STMN2: variants seen among roughly 807,000 people sequenced by gnomAD.
The protein encoded by STMN2 is stathmin 2.
Under a neutral mutation model 24.1 loss-of-function variants are expected in STMN2, and 2 were observed. That is an observed-to-expected ratio of 0.08 (90% confidence interval 0.03 to 0.26). STMN2 has a LOEUF of 0.26. STMN2 is among the 10% of genes least tolerant of loss of function. The pLI is 1.00. For missense variants in STMN2, 114 were observed against 213.6 expected (o/e 0.53, Z 2.91); for synonymous variants, 83 against 77.5 (o/e 1.07, Z -0.37).
intron 4 of STMN2, among the ~76,000 whole-genome samples, chr8:79,657,187 C>T (rs1328137009): frequency 6.6e-6 from 1 of 152,174 alleles, no homozygotes; most frequent in East Asian, 1.9e-4. Context: ...GCATATCCTT[C>T]TTGATTTCAA....
At chr8:79,641,636 A>ACG (rs1554545144) in intron 3 of STMN2, 86 bp downstream of exon 3, 1 of 410,804 alleles carries the variant, frequency 2.4e-6, no homozygotes, top group Non-Finnish European at 4.0e-6. Context: ...ACGCACACAC[A>ACG]CACACACACA....
chr8:79,641,465 C>T lies in STMN2; in HGVS notation c.203C>T (p.Pro68Leu). 6.2e-7 allele frequency: 1 copy of T among 1,614,054 alleles called. No homozygotes were observed. Among genetic ancestry groups the T allele is most frequent in the Non-Finnish European group, 8.5e-7 (1 of 1,179,980 alleles). The change falls in exon 3 of 5, where the codon CCA becomes CTA. Residue 68 changes from proline (P) to leucine (L), a missense_variant. Transcript: ENST00000220876. ...CCACCATCTCCTATCTCAGAAGCCCCACGAACTTTAGCTTCTCCAAAGAAG... is the reference window on the plus strand; with the variant it reads ...CCACCATCTCCTATCTCAGAAGCCCTACGAACTTTAGCTTCTCCAAAGAAG... ...LKPPSPISEA[P>L]RTLASPKKKD...
chr8:79,646,582 A>G (rs1810222869), intron 3 of STMN2, among the ~76,000 whole-genome samples: 1 of 152,104 alleles, frequency 6.6e-6, no homozygotes, highest in South Asian at 2.1e-4. Context: ...AGGCCCTGAA[A>G]TAGGAATGTA....
chr8:79,615,044 T>C (rs1167850807), intron 1 of STMN2, among the ~76,000 whole-genome samples: 1 of 152,236 alleles, frequency 6.6e-6, no homozygotes, highest in East Asian at 1.9e-4. Flanking sequence ...AAAATAGTTT[T>C]CTTCCCTATA....
chr8:79,633,071 T>C (rs1809852316), intron 1 of STMN2, among the ~76,000 whole-genome samples: 1 of 152,226 alleles, frequency 6.6e-6, no homozygotes, highest in Non-Finnish European at 1.5e-5. Context: ...CTTTATTCAT[T>C]TGTGTCTTAA....
intron 1 of STMN2, 122 bp downstream of exon 1, chr8:79,611,336 G>A (rs1482713678): frequency 7.6e-7 from 1 of 1,322,872 alleles, no homozygotes; most frequent in Non-Finnish European, 1.1e-6. Context: ...GGTAACACAG[G>A]ACCAGGAAGG....
chr8:79,631,754 T>TAAA (rs955052074), intron 1 of STMN2, among the ~76,000 whole-genome samples: 1 of 152,058 alleles, frequency 6.6e-6, no homozygotes. Context: ...ATCTGACTTT[T>TAAA]AAAAAAAATT....
intron 3 of STMN2, among the ~76,000 whole-genome samples, chr8:79,652,301 C>T (rs1814880354): frequency 6.6e-6 from 1 of 152,156 alleles, no homozygotes; most frequent in Non-Finnish European, 1.5e-5. Flanking sequence ...CAGCCTTCTT[C>T]CTTGAGAAGG....
chr8:79,617,084 TAA>T (rs1163830996), intron 1 of STMN2, among the ~76,000 whole-genome samples: 5 of 152,256 alleles, frequency 3.3e-5, no homozygotes, highest in African/African-American at 7.2e-5. Context: ...CAAATTATTC[TAA>T]GAGTATTTCT....
At chr8:79,641,628 G>GCGCGCA (rs767739163) in intron 3 of STMN2, 78 bp downstream of exon 3, 1 of 400,480 alleles carries the variant, frequency 2.5e-6, no homozygotes, top group East Asian at 4.4e-5. Flanking sequence ...ACACATGCAC[G>GCGCGCA]CACACACACA....
intron 1 of STMN2, among the ~76,000 whole-genome samples, chr8:79,627,023 T>C (rs897336663): frequency 3.3e-5 from 5 of 152,190 alleles, no homozygotes; most frequent in South Asian, 2.1e-4. Flanking sequence ...TTAATGAACC[T>C]CAAGGCCACA....
At chr8:79,624,027 T>C (rs982624048) in intron 1 of STMN2, among the ~76,000 whole-genome samples, 1 of 152,198 alleles carries the variant, frequency 6.6e-6, no homozygotes, top group Admixed American at 6.5e-5. Context: ...TGAAGAAATA[T>C]TGAACTAAGC....
rs976006132 is a variant in STMN2, at chr8:79,611,141, T to C, written c.-55T>C. 11 of 1,613,266 alleles carry C rather than the reference T, an allele frequency of 6.8e-6. No homozygotes were observed. Among genetic ancestry groups the C allele is most frequent in the Non-Finnish European group, 9.3e-6 (11 of 1,179,664 alleles). Reference sequence around the variant, plus strand: ...CAGTCTTCTCTCTCGCTCTCTCCGCTGCTGTAGCCGGACCCTTTGCCTTCG... The same window carrying C: ...CAGTCTTCTCTCTCGCTCTCTCCGCCGCTGTAGCCGGACCCTTTGCCTTCG... On this transcript the variant is annotated 5_prime_UTR_variant, in exon 1 of 5. Transcript: ENST00000220876.
At chr8:79,620,257 AAT>A (rs1448313982) in intron 1 of STMN2, among the ~76,000 whole-genome samples, 3 of 149,630 alleles carry the variant, frequency 2.0e-5, no homozygotes, top group African/African-American at 7.3e-5. Context: ...GTAATATATA[AAT>A]ATGTTATATA....
chr8:79,621,013 T>A (rs1344854648), intron 1 of STMN2: 3 of 985,208 alleles, frequency 3.0e-6, no homozygotes, highest in Non-Finnish European at 3.6e-6. Context: ...GTGAGTTACG[T>A]CCTCTGTGGA....
intron 1 of STMN2, 57 bp from the exon 2 acceptor site, chr8:79,636,745 C>A: frequency 1.4e-6 from 2 of 1,463,610 alleles, no homozygotes; most frequent in Admixed American, 3.4e-5. Flanking sequence ...TTAAAGGAAG[C>A]AGTAAAGAGA....
At chr8:79,639,541 T>C (rs1810044651) in intron 2 of STMN2, among the ~76,000 whole-genome samples, 1 of 152,272 alleles carries the variant, frequency 6.6e-6, no homozygotes, top group Non-Finnish European at 1.5e-5. Context: ...ATAAATGTCC[T>C]AGCAGGTGCT....
At chr8:79,623,749 T>C (rs1809574177) in intron 1 of STMN2, among the ~76,000 whole-genome samples, 1 of 152,024 alleles carries the variant, frequency 6.6e-6, no homozygotes, top group Admixed American at 6.5e-5. Flanking sequence ...AAGGTCATAA[T>C]ATATTGCACT....
chr8:79,643,137 GTA>G (rs1190777400), intron 3 of STMN2, among the ~76,000 whole-genome samples: 2 of 107,258 alleles, frequency 1.9e-5, no homozygotes, highest in African/African-American at 7.4e-5. Flanking sequence ...ATTGGTGTGT[GTA>G]TGTGTGTGTG....
Sources: gnomAD v4.1 joint callset for allele counts (sites outside exome capture counted in the v4.1 genomes callset) on GRCh38, gnomAD v4.1.1 for gene constraint, MANE v1.5 for transcripts, NCBI Gene and HGNC (gene_info 2026-07-23, HGNC 2026-07-21) for gene names.